Variants in NPAS3 observed in about 807,000 individuals in gnomAD.
NPAS3 encodes neuronal PAS domain protein 3.
In NPAS3, 14 loss-of-function variants were observed where a neutral mutation model predicts 73.1. That is an observed-to-expected ratio of 0.19 (90% CI 0.13 to 0.30). The LOEUF (loss-of-function observed/expected upper bound fraction) is 0.30, where lower values mean the gene tolerates loss of function less well. NPAS3 is among the 10% of genes least tolerant of loss of function. NPAS3 has a pLI of 1.00. For synonymous variants in NPAS3, 620 were observed against 541.5 expected, an observed-to-expected ratio of 1.14 and a Z score of -2.01; for missense variants, 1,096 against 1,250.0, an observed-to-expected ratio of 0.88 and a Z score of 1.86.
chr14:32,938,465 G>A (rs2035775470), upstream of NPAS3, among the ~76,000 whole-genome samples: 2 of 120,334 alleles, frequency 1.7e-5, no homozygotes, highest in South Asian at 6.1e-4. Context: ...GAAAGAGAGA[G>A]AGAGAGAGAG....
intron 1 of NPAS3, among the ~76,000 whole-genome samples, chr14:33,004,087 T>G (rs148727480): frequency 6.6e-6 from 1 of 152,162 alleles, no homozygotes; most frequent in Non-Finnish European, 1.5e-5. Flanking sequence ...TGTGTAAAGA[T>G]TAAATGAATT....
intron 4 of NPAS3, among the ~76,000 whole-genome samples, chr14:33,474,174 G>A (rs867820573): frequency 1.3e-5 from 2 of 152,132 alleles, no homozygotes; most frequent in African/African-American, 2.4e-5. Flanking sequence ...GGATCGATTA[G>A]TCTGTTTGCT....
At chr14:33,289,679 G>A (rs1016679366) in intron 3 of NPAS3, among the ~76,000 whole-genome samples, 4 of 151,930 alleles carry the variant, frequency 2.6e-5, no homozygotes, top group African/African-American at 7.3e-5. Context: ...AAAATTAGCC[G>A]GGCATGATGG....
chr14:33,497,545 C>T (rs1426691294), intron 4 of NPAS3, among the ~76,000 whole-genome samples: 3 of 152,096 alleles, frequency 2.0e-5, no homozygotes, highest in Non-Finnish European at 4.4e-5. Context: ...AATAATACCA[C>T]ACATCTACAA....
At chr14:33,412,489 C>T (rs2047973260) in intron 4 of NPAS3, among the ~76,000 whole-genome samples, 1 of 152,184 alleles carries the variant, frequency 6.6e-6, no homozygotes, top group Non-Finnish European at 1.5e-5. Flanking sequence ...TTCCCTTCTT[C>T]ATCTGCAATA....
intron 2 of NPAS3, among the ~76,000 whole-genome samples, chr14:33,175,074 T>A (rs1433035960): frequency 6.6e-6 from 1 of 152,230 alleles, no homozygotes; most frequent in Non-Finnish European, 1.5e-5. Context: ...CTGTATTTTT[T>A]TTCTCTGATA....
At chr14:33,057,316 A>G (rs2040925749) in intron 2 of NPAS3, among the ~76,000 whole-genome samples, 1 of 152,152 alleles carries the variant, frequency 6.6e-6, no homozygotes, top group African/African-American at 2.4e-5. Context: ...ATCATTTTAA[A>G]AAATTCTTTG....
intron 4 of NPAS3, among the ~76,000 whole-genome samples, chr14:33,397,711 G>A (rs931203446): frequency 6.6e-6 from 1 of 152,108 alleles, no homozygotes; most frequent in African/African-American, 2.4e-5. Flanking sequence ...TGAGAAAACC[G>A]ATGTATGGAA....
intron 1 of NPAS3, among the ~76,000 whole-genome samples, chr14:32,963,901 C>T (rs888288798): frequency 9.2e-5 from 14 of 151,942 alleles, no homozygotes; most frequent in Non-Finnish European, 1.6e-4. Flanking sequence ...GAAAAATACA[C>T]TGAGAAGCCA....
intron 1 of NPAS3, among the ~76,000 whole-genome samples, chr14:32,982,704 C>T (rs563983009): frequency 8.5e-5 from 13 of 152,160 alleles, no homozygotes; most frequent in African/African-American, 3.1e-4. Flanking sequence ...AGCATGGTCC[C>T]TTGCATCTGT....
At chr14:33,252,454 G>A (rs1424973871) in intron 3 of NPAS3, among the ~76,000 whole-genome samples, 1 of 151,946 alleles carries the variant, frequency 6.6e-6, no homozygotes, top group African/African-American at 2.4e-5. Flanking sequence ...GCTAGACAGT[G>A]TAGTAGGTAT....
intron 3 of NPAS3, among the ~76,000 whole-genome samples, chr14:33,346,836 G>A (rs1279226674): frequency 1.3e-5 from 2 of 152,044 alleles, no homozygotes; most frequent in African/African-American, 2.4e-5. Flanking sequence ...ACCTCATCTG[G>A]GCACTAACAT....
chr14:33,105,259 A>G (rs1387505149), intron 2 of NPAS3, among the ~76,000 whole-genome samples: 1 of 152,174 alleles, frequency 6.6e-6, no homozygotes, highest in East Asian at 1.9e-4. Flanking sequence ...GTCACTTAAT[A>G]TATTTCTTCC....
intron 2 of NPAS3, among the ~76,000 whole-genome samples, chr14:33,082,509 G>A (rs1018777132): frequency 1.1e-4 from 17 of 152,256 alleles, no homozygotes; most frequent in African/African-American, 1.7e-4. Context: ...GTGTTTTACC[G>A]TGTCGATTTG....
chr14:33,290,426 G>A (rs2042053526), intron 3 of NPAS3, among the ~76,000 whole-genome samples: 1 of 152,228 alleles, frequency 6.6e-6, no homozygotes, highest in African/African-American at 2.4e-5. Context: ...GGGGCTAAGT[G>A]TGTTTTTCTT....
intron 7 of NPAS3, among the ~76,000 whole-genome samples, chr14:33,736,003 G>A (rs1293606847): frequency 2.0e-5 from 3 of 152,166 alleles, no homozygotes; most frequent in South Asian, 2.1e-4. Context: ...CTATAGCAAC[G>A]TAAATTAAGA....
intron 1 of NPAS3, among the ~76,000 whole-genome samples, chr14:33,000,653 T>C (rs2038773541): frequency 6.6e-6 from 1 of 152,138 alleles, no homozygotes; most frequent in South Asian, 2.1e-4. Context: ...TATAATCTAA[T>C]GGAACAAATA....
At chr14:33,636,402 A>T (rs759237629) in intron 5 of NPAS3, among the ~76,000 whole-genome samples, 1 of 152,180 alleles carries the variant, frequency 6.6e-6, no homozygotes, top group African/African-American at 2.4e-5. Flanking sequence ...AATAACTGCT[A>T]TGCACAGCTA....
At chr14:32,944,156 AT>A (rs2036154235) in intron 1 of NPAS3, among the ~76,000 whole-genome samples, 1 of 152,174 alleles carries the variant, frequency 6.6e-6, no homozygotes, top group Non-Finnish European at 1.5e-5. Flanking sequence ...CTTATGCAAA[AT>A]GTCACTAAAT....
Sources: allele counts gnomAD v4.1 joint callset (sites outside exome capture counted in the v4.1 genomes callset), GRCh38; gene constraint gnomAD v4.1.1; transcripts MANE v1.5; gene names NCBI Gene and HGNC (gene_info 2026-07-23, HGNC 2026-07-21).